NBPF20: variants seen among roughly 807,000 people sequenced by gnomAD.
NBPF20 encodes NBPF member 20.
A neutral mutation model predicts 68.1 loss-of-function variants in NBPF20; 90 were observed. That is an observed-to-expected ratio of 1.32 (90% CI 1.11 to 1.58). The LOEUF (loss-of-function observed/expected upper bound fraction) is 1.58, where lower values mean the gene tolerates loss of function less well. Ranked by LOEUF, NBPF20 falls within the 40% of genes most tolerant of loss-of-function variation. The pLI is 0.00. For synonymous variants in NBPF20, 290 were observed against 228.1 expected (o/e 1.27, Z -2.45); for missense variants, 816 against 601.2 (o/e 1.36, Z -3.74).
At chr1:145,406,204 G>A (rs1553667391), upstream of NBPF20, among the ~76,000 whole-genome samples, 1 of 151,702 alleles carries the variant, frequency 6.6e-6, no homozygotes, top group East Asian at 1.9e-4. Context: ...AAAGTACTGG[G>A]ATTACAGGCG....
chr1:145,407,458 T>C (rs1243162639), upstream of NBPF20, among the ~76,000 whole-genome samples: 2 of 146,886 alleles, frequency 1.4e-5, no homozygotes, highest in Non-Finnish European at 3.0e-5. Flanking sequence ...TATACGTGTA[T>C]ACACGTATAT....
chr1:145,425,556 C>T, the NBPF20 span, among the ~76,000 whole-genome samples: 2 of 152,240 alleles, frequency 1.3e-5, no homozygotes, highest in African/African-American at 4.8e-5. Context: ...CGCCGCCCAG[C>T]CCATAGCCTG....
chr1:145,402,728 G>A (rs1255196537), intron 3 of NBPF20, among the ~76,000 whole-genome samples: 2 of 148,714 alleles, frequency 1.3e-5, no homozygotes, highest in Non-Finnish European at 3.0e-5. Flanking sequence ...GCATCTTGCG[G>A]CCACTAGATA....
chr1:145,405,210 G>T (rs782354137), exon 2 of NBPF20: 1 of 1,550,992 alleles, frequency 6.4e-7, no homozygotes, highest in Non-Finnish European at 8.8e-7. Context: ...GCAATTTCTC[G>T]TTGATTTCTA....
intron 8 of NBPF20, among the ~76,000 whole-genome samples, chr1:145,394,259 C>A (rs1337824795): frequency 6.6e-6 from 1 of 151,402 alleles, no homozygotes; most frequent in African/African-American, 2.5e-5. Flanking sequence ...AGAGACACTT[C>A]AATATTAAGC....
At chr1:145,404,353 G>C (rs1662669079) in intron 2 of NBPF20, among the ~76,000 whole-genome samples, 1 of 151,764 alleles carries the variant, frequency 6.6e-6, no homozygotes, top group African/African-American at 2.4e-5. Flanking sequence ...CTGCCTGCTG[G>C]GTTCAAAGGA....
At chr1:145,334,948 G>A (rs1427885655) in intron 83 of NBPF20, among the ~76,000 whole-genome samples, 5 of 113,974 alleles carry the variant, frequency 4.4e-5, no homozygotes, top group Non-Finnish European at 8.2e-5. Flanking sequence ...GACACACAGC[G>A]AACAGTGATC....
intron 3 of NBPF20, 134 bp downstream of exon 8, chr1:145,403,082 T>C (rs1380332962): frequency 1.6e-5 from 16 of 974,436 alleles, no homozygotes; most frequent in African/African-American, 6.4e-5. Flanking sequence ...TAAATATTTA[T>C]GTGTAGCGAG....
the NBPF20 span, among the ~76,000 whole-genome samples, chr1:145,410,801 T>C: frequency 4.9e-5 from 4 of 81,106 alleles, no homozygotes; most frequent in African/African-American, 1.9e-4. Flanking sequence ...TATATACGTA[T>C]ATGTATATAT....
exon 1 of NBPF20, chr1:145,405,461 A>C (rs1350747937): frequency 6.4e-6 from 10 of 1,551,858 alleles, no homozygotes; most frequent in Non-Finnish European, 7.8e-6. Flanking sequence ...CCTTCACCAC[A>C]AAAACAAGGT....
chr1:145,407,204 C>T (rs1553667747), upstream of NBPF20, among the ~76,000 whole-genome samples: 1 of 150,512 alleles, frequency 6.6e-6, no homozygotes, highest in African/African-American at 2.4e-5. Context: ...AGCATGTTCT[C>T]ACTCATGGGT....
At chr1:145,400,072 G>A (rs1235561084) in intron 6 of NBPF20, among the ~76,000 whole-genome samples, 1 of 152,170 alleles carries the variant, frequency 6.6e-6, no homozygotes. Flanking sequence ...ACATTGTTCA[G>A]GGACAGAGGA....
chr1:145,295,088 A>C (rs1661266223), intron 133 of NBPF20, 134 bp from the exon 139 acceptor site: 4 of 531,296 alleles, frequency 7.5e-6, no homozygotes, highest in Non-Finnish European at 1.3e-5. Flanking sequence ...GTAATGAATT[A>C]TTGCCTTTAT....
chr1:145,312,004 G>A (rs1661498930), intron 112 of NBPF20, among the ~76,000 whole-genome samples: 1 of 53,254 alleles, frequency 1.9e-5, no homozygotes, highest in Non-Finnish European at 3.1e-5. Context: ...CATGGCCTGA[G>A]ACTAGGAAGA....
chr1:145,401,039 T>G lies in NBPF20; in HGVS notation c.566+20A>C, dbSNP rs1459660005. 1 of 1,583,486 alleles carries G rather than the reference T, an allele frequency of 6.3e-7. No homozygotes were observed. Among genetic ancestry groups the G allele is most frequent in the African/African-American group, 1.3e-5 (1 of 74,342 alleles). Reference sequence around the variant, plus strand: ...TCATATGTTACCATCCATTAATTGTTCCTGAGTATTCAGTGTTACCTGGGG... The same window carrying G: ...TCATATGTTACCATCCATTAATTGTGCCTGAGTATTCAGTGTTACCTGGGG... On this transcript the variant is annotated intron_variant, in intron 5 of 137. Transcript: ENST00000369373.
rs1449876800 is a variant in NBPF20 at position 145,292,411 on chromosome 1, C to A, written c.16667G>T (p.Gly5556Val). Residue 5556 changes from glycine (G) to valine (V), a missense_variant, in exon 137 of 138, where the codon GGG (glycine) becomes GTG (valine). Physicochemically the swap from Gly to Val is moderately radical, Grantham distance 109. Coordinates refer to ENST00000369373, the Ensembl canonical transcript of NBPF20. ...GCATGGTGGGTTTTGATCTTCTTCC[C>A]CTTCTTTTCTTCCCCTTCTTCTTTT... 28 of 690,314 alleles carry A rather than the reference C, an allele frequency of 4.1e-5. No individual in the cohort carries two copies. The East Asian group carries it at 6.4e-4, about 16-fold the overall frequency. 42.8% of individuals were successfully genotyped at this position (690,314 alleles called of 1,614,324 possible). A position where few individuals can be genotyped will look rare whatever the true frequency, so the allele number is the denominator to read the frequency against.
chr1:145,295,233 T>C, intron 133 of NBPF20: 1 of 571,184 alleles, frequency 1.8e-6, no homozygotes, highest in Non-Finnish European at 3.0e-6. Context: ...GATGAAGGGG[T>C]CAAAGGACAC....
At chr1:145,309,535 C>T (rs1269307130) in intron 115 of NBPF20, among the ~76,000 whole-genome samples, 1 of 67,914 alleles carries the variant, frequency 1.5e-5, no homozygotes, top group Non-Finnish European at 2.8e-5. Flanking sequence ...ATCCAGGTGA[C>T]ACACTGATGA....
intron 137 of NBPF20, among the ~76,000 whole-genome samples, chr1:145,292,111 T>A (rs1558961463): frequency 6.7e-6 from 1 of 149,640 alleles, no homozygotes; most frequent in South Asian, 2.1e-4. Context: ...GTGAGCTCAA[T>A]AGTTTTCCAT....
Sources: gnomAD v4.1 joint callset for allele counts (sites outside exome capture counted in the v4.1 genomes callset) on GRCh38, gnomAD v4.1.1 for gene constraint, MANE v1.5 for transcripts, NCBI Gene and HGNC (gene_info 2026-07-23, HGNC 2026-07-21) for gene names.